MINDY2: variants seen among roughly 807,000 people sequenced by gnomAD.
MINDY2 encodes the protein ubiquitin carboxyl-terminal hydrolase MINDY-2.
Under a neutral mutation model 68.2 loss-of-function variants are expected in MINDY2, and 52 were observed. That is an observed-to-expected ratio of 0.76 (90% confidence interval 0.61 to 0.96). MINDY2 has a LOEUF of 0.96. Ranked by LOEUF, MINDY2 falls within the 40% of genes least tolerant of loss-of-function variation. The pLI is 0.00. For missense variants in MINDY2, 881 were observed against 773.4 expected, an observed-to-expected ratio of 1.14 and a Z score of -1.65; for synonymous variants, 372 against 303.0, an observed-to-expected ratio of 1.23 and a Z score of -2.36.
chr15:58,783,217 G>A (rs540334975), intron 1 of MINDY2, among the ~76,000 whole-genome samples: 52 of 151,978 alleles, frequency 3.4e-4, no homozygotes, highest in Middle Eastern at 3.4e-3. Context: ...GACTCTGCCC[G>A]GCCCCTGACT....
Position 58,771,757 on chromosome 15 carries a change from A to G in MINDY2, c.362A>G (p.His121Arg). 1 of 1,611,566 alleles carries G rather than the reference A, an allele frequency of 6.2e-7. No homozygotes were observed. Among genetic ancestry groups the G allele is most frequent in the Admixed American group, 1.7e-5 (1 of 59,866 alleles). ...SPETAVAGVG[H>R]ELGTAGDAGA... is the part of the protein sequence containing the mutation. ...GAGACAGCCGTGGCCGGAGTGGGTCATGAGTTGGGTACCGCCGGAGACGCG... is the reference window on the plus strand; with the variant it reads ...GAGACAGCCGTGGCCGGAGTGGGTCGTGAGTTGGGTACCGCCGGAGACGCG... The change falls in exon 1 of 9, where the codon CAT (histidine) becomes CGT (arginine). Residue 121 changes from histidine to arginine, a missense_variant. His to Arg is a conservative substitution (Grantham distance 29). Transcript: ENST00000559228.
intron 4 of MINDY2, among the ~76,000 whole-genome samples, chr15:58,812,952 C>A (rs2030398883): frequency 6.6e-6 from 1 of 152,166 alleles, no homozygotes; most frequent in African/African-American, 2.4e-5. Context: ...TATATCCACA[C>A]CCACTTCTCT....
intron 3 of MINDY2, 67 bp downstream of exon 3, chr15:58,802,444 T>C: frequency 9.9e-7 from 1 of 1,014,138 alleles, no homozygotes; most frequent in Non-Finnish European, 1.4e-6. Flanking sequence ...TTTCTATTAG[T>C]AGCTGGCAGC....
intron 6 of MINDY2, among the ~76,000 whole-genome samples, chr15:58,845,938 C>T (rs1258871323): frequency 6.6e-6 from 1 of 151,952 alleles, no homozygotes; most frequent in African/African-American, 2.4e-5. Context: ...GTGAGATAAG[C>T]CAGGCACAGA....
At chr15:58,779,432 C>T (rs1181566543) in intron 1 of MINDY2, among the ~76,000 whole-genome samples, 2 of 152,194 alleles carry the variant, frequency 1.3e-5, no homozygotes, top group Non-Finnish European at 2.9e-5. Flanking sequence ...CACATACTCT[C>T]CTAGTTTCCA....
At chr15:58,807,353 CTTT>C (rs58768604) in intron 3 of MINDY2, among the ~76,000 whole-genome samples, 14 of 109,046 alleles carry the variant, frequency 1.3e-4, no homozygotes, top group Non-Finnish European at 1.4e-4. Flanking sequence ...TTAAAATAGT[CTTT>C]TTTTTTTTTT....
chr15:58,796,819 G>A (rs2140941777), intron 2 of MINDY2, among the ~76,000 whole-genome samples: 1 of 152,280 alleles, frequency 6.6e-6, no homozygotes, highest in Non-Finnish European at 1.5e-5. Context: ...CACTGCACCT[G>A]GCCATTTATA....
At chr15:58,785,678 T>C (rs1300862225) in intron 1 of MINDY2, among the ~76,000 whole-genome samples, 1 of 152,166 alleles carries the variant, frequency 6.6e-6, no homozygotes, top group African/African-American at 2.4e-5. Flanking sequence ...AAAAAAATAA[T>C]CTATCGAATT....
chr15:58,818,758 G>C (rs2030868487), intron 4 of MINDY2, among the ~76,000 whole-genome samples: 1 of 149,768 alleles, frequency 6.7e-6, no homozygotes, highest in East Asian at 2.0e-4. Context: ...TCCTGTCTCA[G>C]CCTCCCAAGT....
chr15:58,834,008 T>C lies in MINDY2; in HGVS notation c.1368+2092T>C, dbSNP rs570711886. Among the ~76,000 whole-genome samples the C allele has an allele frequency of 9.9e-5, 15 of 152,266 alleles. No individual in the cohort carries two copies. The South Asian group carries it at 2.9e-3, about 29-fold the overall frequency. ...CAGAGGTCCCTGCAGCCTTCCGCAGTGTTTTGTGTCTCTGGGTACTTGAGA... is the reference window on the plus strand; with the variant it reads ...CAGAGGTCCCTGCAGCCTTCCGCAGCGTTTTGTGTCTCTGGGTACTTGAGA... On this transcript the variant is annotated intron_variant, in intron 6 of 8. Transcript: ENST00000559228.
At chr15:58,784,501 A>G (rs1901352589) in intron 1 of MINDY2, among the ~76,000 whole-genome samples, 1 of 152,134 alleles carries the variant, frequency 6.6e-6, no homozygotes, top group South Asian at 2.1e-4. Context: ...AACTACTTAA[A>G]GTGCCTTCCA....
At chr15:58,833,047 T>C (rs192447511) in intron 6 of MINDY2, among the ~76,000 whole-genome samples, 2 of 152,242 alleles carry the variant, frequency 1.3e-5, no homozygotes, top group African/African-American at 4.8e-5. Flanking sequence ...AAACATTTAC[T>C]GTTTTACTCT....
Position 58,771,981 on chromosome 15 carries a change from G to C in MINDY2, c.586G>C (p.Gly196Arg). The stretch of plus-strand genomic sequence containing the variant: ...TAGCTGCGAGTTCAATAGTGAGGAG[G>C]GAGCGGAGAACAGGGTCCCTGAGGA... ...PSSCEFNSEE[G>R]AENRVPEEEE... Residue 196 changes from glycine (G) to arginine (R), a missense_variant, in exon 1 of 9, where the codon GGA becomes CGA. Transcript: ENST00000559228. The C allele has an allele frequency of 1.3e-6, 2 of 1,582,000 alleles. No homozygotes were observed. Among genetic ancestry groups the C allele is most frequent in the East Asian group, 4.5e-5 (2 of 44,704 alleles).
At chr15:58,790,996 G>A (rs1347492592) in intron 2 of MINDY2, among the ~76,000 whole-genome samples, 1 of 151,500 alleles carries the variant, frequency 6.6e-6, no homozygotes, top group Non-Finnish European at 1.5e-5. Context: ...TGGCTAACAC[G>A]GTGAAACCCC....
intron 5 of MINDY2, among the ~76,000 whole-genome samples, chr15:58,822,584 C>T (rs2031133887): frequency 6.6e-6 from 1 of 152,164 alleles, no homozygotes; most frequent in Non-Finnish European, 1.5e-5. Context: ...AAGCCCCATT[C>T]TGGATCAGAG....
chr15:58,823,948 G>A (rs1299018616), intron 5 of MINDY2, among the ~76,000 whole-genome samples: 1 of 152,144 alleles, frequency 6.6e-6, no homozygotes, highest in Non-Finnish European at 1.5e-5. Context: ...TTTTAAAAAT[G>A]TCTATCTACG....
At chr15:58,791,619 AAT>A (rs201307103) in intron 2 of MINDY2, among the ~76,000 whole-genome samples, 1,439 of 60,564 alleles carry the variant, frequency 0.024, 46 homozygotes, top group Admixed American at 0.13. Context: ...CCTGTCTCAA[AAT>A]ATGTGTGTGT....
chr15:58,848,852 A>C (rs1205271540), intron 7 of MINDY2, among the ~76,000 whole-genome samples: 2 of 152,186 alleles, frequency 1.3e-5, no homozygotes, highest in African/African-American at 4.8e-5. Flanking sequence ...GAAGCTATAC[A>C]GGGGTGTTGT....
intron 5 of MINDY2, among the ~76,000 whole-genome samples, chr15:58,828,639 G>T (rs1188658757): frequency 7.7e-6 from 1 of 130,030 alleles, no homozygotes; most frequent in Non-Finnish European, 1.5e-5. Flanking sequence ...TCGGCTCACT[G>T]AAAGCTCCGC....
Sources: allele counts gnomAD v4.1 joint callset (sites outside exome capture counted in the v4.1 genomes callset), GRCh38; gene constraint gnomAD v4.1.1; transcripts MANE v1.5; gene names NCBI Gene and HGNC (gene_info 2026-07-23, HGNC 2026-07-21).